DLG2: variants seen among roughly 807,000 people sequenced by gnomAD.
DLG2 encodes the protein disks large homolog 2.
In DLG2, 45 loss-of-function variants were observed where a neutral mutation model predicts 132.5. The ratio of observed to expected loss-of-function variants is 0.34; its 90% confidence interval spans 0.27 to 0.44. The LOEUF is 0.44. Ranked by LOEUF, DLG2 falls within the 20% of genes least tolerant of loss-of-function variation. The pLI is 1.00. For missense variants in DLG2, 1,045 were observed against 1,196.9 expected, an observed-to-expected ratio of 0.87 and a Z score of 1.87; for synonymous variants, 424 against 419.6, an observed-to-expected ratio of 1.01 and a Z score of -0.13.
chr11:84,623,077 G>T (rs1336154045), intron 6 of DLG2, among the ~76,000 whole-genome samples: 1 of 152,048 alleles, frequency 6.6e-6, no homozygotes, highest in Non-Finnish European at 1.5e-5. Context: ...CCTATCAGTT[G>T]TTTGAAGAGT....
chr11:84,807,122 A>C (rs1364378260), intron 6 of DLG2, among the ~76,000 whole-genome samples: 1 of 152,174 alleles, frequency 6.6e-6, no homozygotes, highest in African/African-American at 2.4e-5. Context: ...CAGAGAAATA[A>C]AAAACAGAGA....
intron 4 of DLG2, among the ~76,000 whole-genome samples, chr11:85,178,458 T>G (rs1174633191): frequency 6.6e-6 from 1 of 151,868 alleles, no homozygotes; most frequent in South Asian, 2.1e-4. Context: ...AAGCTACAGA[T>G]CCAAAAATCC....
At chr11:84,784,640 C>T (rs2072539439) in intron 6 of DLG2, among the ~76,000 whole-genome samples, 1 of 151,902 alleles carries the variant, frequency 6.6e-6, no homozygotes, top group Non-Finnish European at 1.5e-5. Context: ...AAGACTCTTG[C>T]TTTTAAAAAT....
At chr11:84,682,604 C>G (rs185604973) in intron 6 of DLG2, among the ~76,000 whole-genome samples, 1 of 152,264 alleles carries the variant, frequency 6.6e-6, no homozygotes, top group East Asian at 1.9e-4. Context: ...GGGTGAAGAT[C>G]TTTCAAAGTT....
intron 6 of DLG2, among the ~76,000 whole-genome samples, chr11:84,662,397 A>C (rs914661500): frequency 1.3e-5 from 2 of 151,294 alleles, no homozygotes; most frequent in Non-Finnish European, 2.9e-5. Context: ...CTGGTCTCGA[A>C]CTCCCGACCT....
intron 3 of DLG2, among the ~76,000 whole-genome samples, chr11:85,544,764 G>C (rs893036449): frequency 2.0e-5 from 3 of 152,106 alleles, no homozygotes; most frequent in African/African-American, 7.2e-5. Flanking sequence ...AATGTGAATG[G>C]GAGTTCACTC....
intron 3 of DLG2, among the ~76,000 whole-genome samples, chr11:85,482,310 C>A (rs1003440845): frequency 6.6e-6 from 1 of 152,322 alleles, no homozygotes; most frequent in South Asian, 2.1e-4. Context: ...CACCCCAATG[C>A]CAGCTTGGCT....
At chr11:85,126,315 G>A (rs2075105565) in intron 5 of DLG2, among the ~76,000 whole-genome samples, 1 of 152,100 alleles carries the variant, frequency 6.6e-6, no homozygotes. Context: ...CGTATACTTT[G>A]GTAAGAATTT....
chr11:84,202,821 T>C (rs1272330812), intron 8 of DLG2, among the ~76,000 whole-genome samples: 1 of 152,074 alleles, frequency 6.6e-6, no homozygotes, highest in Non-Finnish European at 1.5e-5. Context: ...CAGACACTTC[T>C]CAAAAGAAGA....
chr11:85,053,532 T>C (rs1257703086), intron 6 of DLG2, among the ~76,000 whole-genome samples: 1 of 150,796 alleles, frequency 6.6e-6, no homozygotes, highest in East Asian at 2.0e-4. Flanking sequence ...CTCACGCCTG[T>C]AATCCCAGCA....
At chr11:85,357,565 T>C (rs962419633) in intron 3 of DLG2, among the ~76,000 whole-genome samples, 1 of 141,172 alleles carries the variant, frequency 7.1e-6, no homozygotes, top group Non-Finnish European at 1.5e-5. Flanking sequence ...TGATCTAGTT[T>C]GCTGGCTTCC....
chr11:84,329,584 T>C (rs1274043343), intron 7 of DLG2, among the ~76,000 whole-genome samples: 1 of 152,184 alleles, frequency 6.6e-6, no homozygotes, highest in Non-Finnish European at 1.5e-5. Context: ...CATACAGAAC[T>C]GTGAGTCAAT....
chr11:84,118,012 C>T (rs968382218), intron 9 of DLG2, among the ~76,000 whole-genome samples: 2 of 151,862 alleles, frequency 1.3e-5, no homozygotes, highest in African/African-American at 4.8e-5. Context: ...CGTGCCACCA[C>T]CCTCAGCTAA....
At chr11:84,623,894 C>A (rs956026660) in intron 6 of DLG2, among the ~76,000 whole-genome samples, 1 of 152,130 alleles carries the variant, frequency 6.6e-6, no homozygotes, top group East Asian at 1.9e-4. Context: ...TACTGTAATT[C>A]ATTTATTATC....
intron 4 of DLG2, among the ~76,000 whole-genome samples, chr11:85,189,798 T>A (rs1159048276): frequency 6.6e-6 from 1 of 151,840 alleles, no homozygotes; most frequent in East Asian, 1.9e-4. Flanking sequence ...TCACAATGAA[T>A]GTATTTTTTT....
intron 19 of DLG2, among the ~76,000 whole-genome samples, chr11:83,593,841 G>A (rs2097237384): frequency 6.7e-6 from 1 of 149,110 alleles, no homozygotes; most frequent in Non-Finnish European, 1.5e-5. Flanking sequence ...CTCACTGCTT[G>A]AAAAAAAAAG....
At chr11:85,001,257 C>T (rs764657201) in intron 6 of DLG2, among the ~76,000 whole-genome samples, 2 of 151,686 alleles carry the variant, frequency 1.3e-5, no homozygotes, top group Non-Finnish European at 2.9e-5. Flanking sequence ...CCATGCCCAG[C>T]TTATTATTAT....
chr11:85,164,482 G>A (rs542152804), intron 4 of DLG2, among the ~76,000 whole-genome samples: 14 of 152,078 alleles, frequency 9.2e-5, no homozygotes, highest in South Asian at 8.3e-4. Context: ...TGTTTCCACC[G>A]TTACTTCATC....
intron 3 of DLG2, among the ~76,000 whole-genome samples, chr11:85,488,046 G>C (rs1270961218): frequency 2.0e-5 from 3 of 152,114 alleles, no homozygotes; most frequent in Non-Finnish European, 4.4e-5. Context: ...GTTTTATTAG[G>C]GATTTTTGCT....
Sources: gnomAD v4.1 joint callset for allele counts (sites outside exome capture counted in the v4.1 genomes callset) on GRCh38, gnomAD v4.1.1 for gene constraint, MANE v1.5 for transcripts, NCBI Gene and HGNC (gene_info 2026-07-23, HGNC 2026-07-21) for gene names.